The following KCNQ5 variants were observed in gnomAD, a reference collection of about 807,000 sequenced individuals.
KCNQ5 encodes the protein potassium voltage-gated channel subfamily KQT member 5.
In KCNQ5, 30 loss-of-function variants were observed where a neutral mutation model predicts 98.2. The observed-to-expected ratio is 0.31, with a 90% CI of 0.23 to 0.41. The LOEUF is 0.41. KCNQ5 is among the 10% of genes least tolerant of loss of function. The probability of loss-of-function intolerance (pLI) is 1.00; values close to 1 mark genes in which losing one functional copy is unlikely to be tolerated. For synonymous variants in KCNQ5, 458 were observed against 449.4 expected (o/e 1.02, Z -0.24); for missense variants, 835 against 1,182.5 (o/e 0.71, Z 4.31).
chr6:72,967,452 T>C (rs563731704), intron 1 of KCNQ5, among the ~76,000 whole-genome samples: 2 of 152,356 alleles, frequency 1.3e-5, no homozygotes, highest in African/African-American at 4.8e-5. Flanking sequence ...AGTTTGGGCA[T>C]ATATTAGTTA....
chr6:73,147,921 G>A (rs1453416544), intron 10 of KCNQ5, among the ~76,000 whole-genome samples: 1 of 152,072 alleles, frequency 6.6e-6, no homozygotes, highest in African/African-American at 2.4e-5. Flanking sequence ...ACTCTAAGAA[G>A]ATAATGAAAC....
chr6:73,172,799 T>C (rs1013114457), intron 11 of KCNQ5, among the ~76,000 whole-genome samples: 2 of 152,236 alleles, frequency 1.3e-5, no homozygotes, highest in African/African-American at 4.8e-5. Context: ...TATTTAAATA[T>C]GCCTTTTGTA....
intron 1 of KCNQ5, among the ~76,000 whole-genome samples, chr6:72,635,569 T>A (rs1322498115): frequency 6.6e-6 from 1 of 152,004 alleles, no homozygotes; most frequent in East Asian, 1.9e-4. Context: ...GCTTCCATGC[T>A]TTTCTCTCTC....
At chr6:72,996,740 C>G (rs1441973807) in intron 1 of KCNQ5, among the ~76,000 whole-genome samples, 1 of 152,178 alleles carries the variant, frequency 6.6e-6, no homozygotes, top group Non-Finnish European at 1.5e-5. Context: ...AATGCCAATT[C>G]TTTTGCTTAC....
intron 1 of KCNQ5, among the ~76,000 whole-genome samples, chr6:72,860,640 G>A (rs941051198): frequency 3.9e-5 from 6 of 151,950 alleles, no homozygotes; most frequent in African/African-American, 1.2e-4. Flanking sequence ...GAGAATCAAT[G>A]TATTCATTTT....
chr6:72,823,128 G>A (rs979699246), intron 1 of KCNQ5, among the ~76,000 whole-genome samples: 2 of 151,970 alleles, frequency 1.3e-5, no homozygotes, highest in Non-Finnish European at 2.9e-5. Flanking sequence ...ATTCTATTTG[G>A]GAGACCTCCC....
chr6:72,854,943 G>T (rs1318113485), intron 1 of KCNQ5, among the ~76,000 whole-genome samples: 1 of 151,926 alleles, frequency 6.6e-6, no homozygotes, highest in African/African-American at 2.4e-5. Flanking sequence ...AATGGCTCTT[G>T]ATATTGACAT....
At chr6:72,827,248 G>T (rs760303731) in intron 1 of KCNQ5, among the ~76,000 whole-genome samples, 1 of 152,080 alleles carries the variant, frequency 6.6e-6, no homozygotes, top group Non-Finnish European at 1.5e-5. Flanking sequence ...CCCAGTAGTG[G>T]CATTGCTGGA....
chr6:73,080,548 C>A (rs933326545), intron 5 of KCNQ5, among the ~76,000 whole-genome samples: 2 of 151,838 alleles, frequency 1.3e-5, no homozygotes, highest in Admixed American at 6.6e-5. Flanking sequence ...TAAATTTAGA[C>A]TATTATACCT....
chr6:73,057,715 C>T (rs1772586597), intron 3 of KCNQ5, among the ~76,000 whole-genome samples: 1 of 152,010 alleles, frequency 6.6e-6, no homozygotes, highest in African/African-American at 2.4e-5. Context: ...TCCTATCAAA[C>T]TACCAGTTCT....
chr6:72,690,836 T>C (rs185007203), intron 1 of KCNQ5, among the ~76,000 whole-genome samples: 1 of 152,182 alleles, frequency 6.6e-6, no homozygotes, highest in Admixed American at 6.5e-5. Context: ...TGCTAAAGTA[T>C]AATTTCATTT....
chr6:73,090,690 A>T (rs1774208981), intron 5 of KCNQ5, among the ~76,000 whole-genome samples: 2 of 152,288 alleles, frequency 1.3e-5, no homozygotes, highest in South Asian at 4.2e-4. Flanking sequence ...TCAAAAGAAG[A>T]CATTTATACA....
intron 3 of KCNQ5, among the ~76,000 whole-genome samples, chr6:73,049,340 T>G (rs1772110283): frequency 6.6e-6 from 1 of 152,196 alleles, no homozygotes; most frequent in South Asian, 2.1e-4. Context: ...AGCACCTTTC[T>G]ATAAAGGAAT....
intron 4 of KCNQ5, 79 bp downstream of exon 4, chr6:73,077,576 C>T (rs1773588775): frequency 2.1e-6 from 3 of 1,445,882 alleles, no homozygotes; most frequent in Non-Finnish European, 2.8e-6. Context: ...ATAAACCTGT[C>T]ACAAGAAAAC....
chr6:72,646,179 C>T (rs1014266788), intron 1 of KCNQ5, among the ~76,000 whole-genome samples: 2 of 152,000 alleles, frequency 1.3e-5, no homozygotes, highest in Non-Finnish European at 2.9e-5. Context: ...ACAGCAGGAT[C>T]CCATCCATCA....
At chr6:72,632,181 A>T (rs1413311812) in intron 1 of KCNQ5, among the ~76,000 whole-genome samples, 3 of 127,302 alleles carry the variant, frequency 2.4e-5, no homozygotes, top group African/African-American at 6.0e-5. Context: ...TCTATTGCCC[A>T]GGCTGGAGTT....
At chr6:73,025,041 T>C (rs1381532155) in intron 2 of KCNQ5, among the ~76,000 whole-genome samples, 2 of 152,210 alleles carry the variant, frequency 1.3e-5, no homozygotes, top group African/African-American at 2.4e-5. Context: ...TTATTAATAT[T>C]CTCACTTCAT....
chr6:72,826,142 AC>A (rs1322128883), intron 1 of KCNQ5, among the ~76,000 whole-genome samples: 1 of 152,160 alleles, frequency 6.6e-6, no homozygotes, highest in Non-Finnish European at 1.5e-5. Flanking sequence ...AAGCAAAACT[AC>A]ACACTTGCAA....
chr6:72,625,648 T>C (rs1377837179), intron 1 of KCNQ5, among the ~76,000 whole-genome samples: 3 of 152,208 alleles, frequency 2.0e-5, no homozygotes, highest in Non-Finnish European at 4.4e-5. Flanking sequence ...CTTTGCCTAA[T>C]GTATCTTTGC....
Sources: allele counts gnomAD v4.1 joint callset (sites outside exome capture counted in the v4.1 genomes callset), GRCh38; gene constraint gnomAD v4.1.1; transcripts MANE v1.5; gene names NCBI Gene and HGNC (gene_info 2026-07-23, HGNC 2026-07-21).